DCAF5: variants seen among roughly 807,000 people sequenced by gnomAD.
DCAF5 encodes DDB1 and CUL4 associated factor 5, also known as DDB1- and CUL4-associated factor 5.
In DCAF5, 9 loss-of-function variants were observed where a neutral mutation model predicts 80.7. The ratio of observed to expected loss-of-function variants is 0.11; its 90% CI spans 0.07 to 0.19. DCAF5 has a LOEUF of 0.19. Among genes scored for constraint, DCAF5 ranks in the 10% least tolerant of loss-of-function variants. The pLI, the probability that DCAF5 is intolerant of heterozygous loss-of-function variation, is 1.00. For missense variants in DCAF5, 842 were observed against 1,205.7 expected (o/e 0.70, Z 4.47); for synonymous variants, 433 against 461.9 (o/e 0.94, Z 0.80).
chr14:69,111,435 T>C (rs2040361313), intron 5 of DCAF5, among the ~76,000 whole-genome samples: 1 of 152,178 alleles, frequency 6.6e-6, no homozygotes, highest in South Asian at 2.1e-4. Flanking sequence ...CCAGTTTTAT[T>C]ATTGAGTGGG....
intron 5 of DCAF5, among the ~76,000 whole-genome samples, chr14:69,104,672 A>G (rs916486562): frequency 1.3e-5 from 2 of 152,104 alleles, no homozygotes; most frequent in Non-Finnish European, 2.9e-5. Flanking sequence ...CCTGGCCAAC[A>G]TGGTGAAACC....
intron 1 of DCAF5, among the ~76,000 whole-genome samples, chr14:69,129,449 G>A (rs1257705982): frequency 6.6e-5 from 10 of 152,206 alleles, no homozygotes; most frequent in Non-Finnish European, 1.5e-5. Flanking sequence ...TCACCCAGCA[G>A]AGGGCGCTAA....
chr14:69,106,346 G>A (rs990368560), intron 5 of DCAF5, among the ~76,000 whole-genome samples: 5 of 151,698 alleles, frequency 3.3e-5, no homozygotes, highest in African/African-American at 9.7e-5. Flanking sequence ...ATGAGCCACC[G>A]TGCCCACCTT....
chr14:69,056,735 A>G (rs2037986839), intron 8 of DCAF5, among the ~76,000 whole-genome samples: 1 of 152,148 alleles, frequency 6.6e-6, no homozygotes, highest in African/African-American at 2.4e-5. Context: ...TCTAAGGACA[A>G]ATGCACCTCC....
At chr14:69,084,514 GA>G in intron 6 of DCAF5, 1 of 765,756 alleles carries the variant, frequency 1.3e-6, no homozygotes, top group Non-Finnish European at 2.3e-6. Context: ...GGATTTCTCT[GA>G]AAAAGGAGCC....
At chr14:69,128,356 T>A (rs549605310) in intron 1 of DCAF5, among the ~76,000 whole-genome samples, 1 of 152,162 alleles carries the variant, frequency 6.6e-6, no homozygotes, top group East Asian at 1.9e-4. Flanking sequence ...CCAGCTAATT[T>A]TTGTATTTTT....
At chr14:69,101,558 G>A (rs1014081022) in intron 5 of DCAF5, among the ~76,000 whole-genome samples, 1 of 152,194 alleles carries the variant, frequency 6.6e-6, no homozygotes, top group South Asian at 2.1e-4. Flanking sequence ...GTCAAAGGTT[G>A]ACTCAAATTC....
chr14:69,152,638 C>T lies in DCAF5; in HGVS notation c.214+127G>A, dbSNP rs2041743110. ...TTTAATTTGACACCAAACCTTCCCA[C>T]CGCAGAAGGGGGTAGAGAAAGGGAG... On this transcript the variant is annotated intron_variant, in intron 1 of 8. Transcript: ENST00000341516. This position sits in a 1 kb window ranked among gnomAD's most constrained non-coding sequence, Gnocchi z 4.1. The T allele has an allele frequency of 1.5e-6, 1 of 686,106 alleles. No homozygotes were observed. The highest frequency in any genetic ancestry group is 1.8e-5 in the African/African-American group (1 of 55,354). The allele number at this position is 686,106 out of a possible 1,614,324, so 42.5% of individuals were successfully genotyped here. A position where few individuals can be genotyped will look rare whatever the true frequency, so the allele number is the denominator to read the frequency against.
At position 69,051,561 on chromosome 14, in the gene DCAF5, C is replaced by G. The variant is rs780708914; in HGVS notation, c.*2296G>C. On this transcript the variant is annotated 3_prime_UTR_variant, in exon 9 of 9. Coordinates refer to ENST00000341516, the MANE Select transcript of DCAF5 (RefSeq NM_003861.3). ...GGCATACTTGCTAAAAATGATCTTT[C>G]TTGGCTTCTCAAGTTAACCAGAATA... 3.3e-5 allele frequency: 5 copies of G among 152,208 alleles called. No homozygotes were observed. The highest frequency in any genetic ancestry group is 5.9e-5 in the Non-Finnish European group (4 of 68,036). 9.4% of individuals were successfully genotyped at this position (152,208 alleles called of 1,614,324 possible). A position where few individuals can be genotyped will look rare whatever the true frequency, so the allele number is the denominator to read the frequency against.
chr14:69,151,104 C>T (rs981933637), intron 1 of DCAF5, among the ~76,000 whole-genome samples: 1 of 152,126 alleles, frequency 6.6e-6, no homozygotes, highest in African/African-American at 2.4e-5. Flanking sequence ...AAACTGGGAG[C>T]TAGGTCTATA....
chr14:69,063,949 T>C (rs1189724947), intron 7 of DCAF5, among the ~76,000 whole-genome samples: 2 of 152,190 alleles, frequency 1.3e-5, no homozygotes, highest in Admixed American at 6.5e-5. Flanking sequence ...ATCGTATTCA[T>C]ATCTCAGCCC....
At chr14:69,095,319 C>G (rs1043445723) in intron 5 of DCAF5, among the ~76,000 whole-genome samples, 7 of 152,244 alleles carry the variant, frequency 4.6e-5, no homozygotes, top group African/African-American at 1.4e-4. Context: ...AACATGTTAA[C>G]AGTGAATTCA....
At chr14:69,077,550 A>AT (rs2038948085) in intron 6 of DCAF5, among the ~76,000 whole-genome samples, 1 of 151,720 alleles carries the variant, frequency 6.6e-6, no homozygotes. Context: ...CACCCAGCTA[A>AT]TTTTTTATAG....
In DCAF5 at chr14:69,055,726, T is replaced by A; in HGVS notation, c.1075-115A>T. On this transcript the variant is annotated intron_variant, in intron 8 of 8. Coordinates refer to ENST00000341516, the MANE Select transcript of DCAF5 (RefSeq NM_003861.3). The surrounding 1 kb of genome is among the most constrained non-coding windows in gnomAD (Gnocchi z 5.6). Reference sequence around the variant, plus strand: ...CCCCAGACTCTCCCTGTAATTTAACTAGGACTTGCTAACCAACTTAAAAAT... The same window carrying A: ...CCCCAGACTCTCCCTGTAATTTAACAAGGACTTGCTAACCAACTTAAAAAT... 9.4e-7 allele frequency: 1 copy of A among 1,063,168 alleles called. No individual in the cohort carries two copies. The highest frequency in any genetic ancestry group is 1.4e-6 in the Non-Finnish European group (1 of 735,168). The allele number at this position is 1,063,168 out of a possible 1,614,324, so 65.9% of individuals were successfully genotyped here. A position where few individuals can be genotyped will look rare whatever the true frequency, so the allele number is the denominator to read the frequency against.
intron 1 of DCAF5, among the ~76,000 whole-genome samples, chr14:69,145,078 CATG>C (rs1452838130): frequency 6.6e-6 from 1 of 152,148 alleles, no homozygotes; most frequent in African/African-American, 2.4e-5. Flanking sequence ...AATTGATTTG[CATG>C]ATGATGGCTC....
At chr14:69,108,454 C>G (rs80037431) in intron 5 of DCAF5, among the ~76,000 whole-genome samples, 2,322 of 152,044 alleles carry the variant, frequency 0.015, 46 homozygotes, top group East Asian at 0.065. Flanking sequence ...CAGTCAGAAC[C>G]TTATGGAGAG....
chr14:69,140,845 G>A lies in DCAF5; in HGVS notation c.214+11920C>T, dbSNP rs149545299. The stretch of plus-strand genomic sequence containing the variant: ...AAAAGTGGCAGCGGAGGCCAGGAGC[G>A]GTAGCTCACACCTGTAATCCCAGAA... On this transcript the variant is annotated intron_variant, in intron 1 of 8. Coordinates refer to ENST00000341516, the MANE Select transcript of DCAF5 (RefSeq NM_003861.3). Among the ~76,000 whole-genome samples, 962 of 152,054 alleles carry A rather than the reference G, an allele frequency of 6.3e-3. 8 individuals are homozygous for A. The highest frequency in any genetic ancestry group is 0.021 in the African/African-American group (883 of 41,460).
rs747286134 is a variant in DCAF5, at chr14:69,055,181, G to A, written c.1505C>T (p.Thr502Met). 7 of 1,614,138 alleles carry A rather than the reference G, an allele frequency of 4.3e-6. No homozygotes were observed. The highest frequency in any genetic ancestry group is 3.3e-5 in the South Asian group (3 of 91,090). Residue 502 changes from threonine (T) to methionine (M), a missense_variant, in exon 9 of 9, where the codon ACG (threonine) becomes ATG (methionine). Physicochemically the swap from Thr to Met is moderately conservative, Grantham distance 81. Around this residue, in one of 5 missense-constraint regions of DCAF5, gnomAD observed 607 missense variants for 656.6 expected, o/e 0.92. Transcript: ENST00000341516. This position sits in a 1 kb window ranked among gnomAD's most constrained non-coding sequence, Gnocchi z 5.6. ...NTVASTPPTPTCEDAASRQQR... is the reference protein window; with the variant it reads ...NTVASTPPTPMCEDAASRQQR... ...CTGGCGAGAGGCTGCATCCTCACACGTGGGTGTTGGTGGAGTTGAGGCTAC... is the reference window on the plus strand; with the variant it reads ...CTGGCGAGAGGCTGCATCCTCACACATGGGTGTTGGTGGAGTTGAGGCTAC...
At chr14:69,093,995 T>C (rs1340961767) in intron 5 of DCAF5, among the ~76,000 whole-genome samples, 1 of 152,216 alleles carries the variant, frequency 6.6e-6, no homozygotes, top group Non-Finnish European at 1.5e-5. Flanking sequence ...CAGGGTGCTG[T>C]GGCTGCGACA....
Sources: allele counts gnomAD v4.1 joint callset (sites outside exome capture counted in the v4.1 genomes callset), GRCh38; gene constraint gnomAD v4.1.1; regional missense constraint gnomAD v4.1.1; non-coding constraint Gnocchi (gnomAD v3.1); transcripts MANE v1.5; gene names NCBI Gene and HGNC (gene_info 2026-07-23, HGNC 2026-07-21).